The following DGKI variants were observed in gnomAD, a reference collection of about 807,000 sequenced individuals.
DGKI encodes diacylglycerol kinase iota, also known as DAG kinase iota.
DGKI carries 55 observed loss-of-function variants against 147.5 expected under a neutral mutation model. The ratio of observed to expected loss-of-function variants is 0.37; its 90% confidence interval spans 0.30 to 0.47. The LOEUF is 0.47. Ranked by LOEUF, DGKI falls within the 20% of genes least tolerant of loss-of-function variation. The probability of loss-of-function intolerance (pLI) is 1.00; values close to 1 mark genes in which losing one functional copy is unlikely to be tolerated. For missense variants in DGKI, 1,007 were observed against 1,323.8 expected, an observed-to-expected ratio of 0.76 and a Z score of 3.71; for synonymous variants, 469 against 477.1, an observed-to-expected ratio of 0.98 and a Z score of 0.22.
At chr7:137,646,917 C>G (rs1821845445) in intron 5 of DGKI, among the ~76,000 whole-genome samples, 1 of 152,072 alleles carries the variant, frequency 6.6e-6, no homozygotes, top group South Asian at 2.1e-4. Context: ...ACCTCTATTT[C>G]TCTTAATAAT....
intron 28 of DGKI, among the ~76,000 whole-genome samples, chr7:137,417,262 T>A (rs963795375): frequency 8.5e-5 from 13 of 152,216 alleles, no homozygotes; most frequent in African/African-American, 3.1e-4. Context: ...TTTAAGTATA[T>A]GAATATTAAG....
chr7:137,717,503 T>A (rs1794414942), intron 1 of DGKI, among the ~76,000 whole-genome samples: 1 of 152,214 alleles, frequency 6.6e-6, no homozygotes, highest in Admixed American at 6.5e-5. Flanking sequence ...ATGGAGCTTC[T>A]TGCAGGGCAT....
chr7:137,678,746 G>T, intron 2 of DGKI, 94 bp from the exon 3 acceptor site: 1 of 1,086,436 alleles, frequency 9.2e-7, no homozygotes, highest in Non-Finnish European at 1.4e-6. Flanking sequence ...GAAAGTTAGT[G>T]AAACCAAGGA....
At chr7:137,539,386 A>G (rs1356308180) in intron 20 of DGKI, among the ~76,000 whole-genome samples, 1 of 152,162 alleles carries the variant, frequency 6.6e-6, no homozygotes, top group African/African-American at 2.4e-5. Flanking sequence ...AGGAACTCAG[A>G]AAACAACTCC....
chr7:137,548,731 G>A lies in DGKI; in HGVS notation c.2147+3638C>T, dbSNP rs150507077. 3.4e-3 allele frequency among the ~76,000 whole-genome samples: 512 copies of A among 152,280 alleles called. 17 individuals are homozygous for A. The highest frequency in any genetic ancestry group is 0.03 in the Admixed American group (456 of 15,286). Reference sequence around the variant, plus strand: ...GCCTGTAATCCCAGCACTTTGGGAGGCTGAGGCGGGCAGATCACTTGAGCC... The same window carrying A: ...GCCTGTAATCCCAGCACTTTGGGAGACTGAGGCGGGCAGATCACTTGAGCC... On this transcript the variant is annotated intron_variant, in intron 20 of 32. Coordinates refer to ENST00000614521, the MANE Select transcript of DGKI (RefSeq NM_001321708.2).
intron 3 of DGKI, among the ~76,000 whole-genome samples, chr7:137,669,226 A>G (rs987522734): frequency 6.6e-6 from 1 of 152,174 alleles, no homozygotes; most frequent in Non-Finnish European, 1.5e-5. Context: ...TTAAAGCATC[A>G]CCTTCTGAAT....
rs935783481 is a variant in DGKI, at chr7:137,387,620, T to A, written c.*3600A>T. On this transcript the variant is annotated 3_prime_UTR_variant, in exon 33 of 33. Transcript: ENST00000614521. ...CATACTTGTGCATGAACGGATGGGG[T>A]ATTTCTGACATCACATACAAGCAAC... 5 of 152,096 alleles carry A rather than the reference T, an allele frequency of 3.3e-5. No individual in the cohort carries two copies. Among genetic ancestry groups the A allele is most frequent in the African/African-American group, 1.2e-4 (5 of 41,422 alleles). 9.4% of individuals were successfully genotyped at this position (152,096 alleles called of 1,614,324 possible).
At chr7:137,513,224 T>C (rs776569726) in intron 21 of DGKI, among the ~76,000 whole-genome samples, 1 of 152,178 alleles carries the variant, frequency 6.6e-6, no homozygotes, top group Non-Finnish European at 1.5e-5. Flanking sequence ...TATCTGTATC[T>C]GTACTCCCTC....
In DGKI at chr7:137,549,893, CATG is replaced by C. The variant is rs369061403; in HGVS notation, c.2147+2473_2147+2475del. 3.9e-5 allele frequency among the ~76,000 whole-genome samples: 6 copies of C among 152,282 alleles called. No homozygotes were observed. In the East Asian group the frequency reaches 1.2e-3, roughly 29 times the overall value. On this transcript the variant is annotated intron_variant, in intron 20 of 32. Transcript: ENST00000614521. ...ATTAAGGTTTAGTAAGCAAACATTA[CATG>C]ATGACTAGGTTTTTTTGCTTTCTTT...
intron 1 of DGKI, among the ~76,000 whole-genome samples, chr7:137,753,142 C>T (rs1795561945): frequency 6.6e-6 from 1 of 152,062 alleles, no homozygotes; most frequent in South Asian, 2.1e-4. Context: ...CCATGAGGTC[C>T]CTAAATAATA....
At chr7:137,641,527 A>C (rs921675827) in intron 6 of DGKI, among the ~76,000 whole-genome samples, 1 of 152,220 alleles carries the variant, frequency 6.6e-6, no homozygotes, top group African/African-American at 2.4e-5. Flanking sequence ...ATTATTTAAA[A>C]TATTGTATAA....
chr7:137,718,945 G>T (rs1245838339), intron 1 of DGKI, among the ~76,000 whole-genome samples: 2 of 152,098 alleles, frequency 1.3e-5, no homozygotes, highest in African/African-American at 2.4e-5. Context: ...TATACAAGGG[G>T]CACGGTCTTT....
intron 28 of DGKI, among the ~76,000 whole-genome samples, chr7:137,437,261 G>A (rs912537587): frequency 2.0e-5 from 3 of 152,266 alleles, no homozygotes; most frequent in Admixed American, 6.5e-5. Context: ...CCCACAAAAA[G>A]ACGCTTCAGA....
Position 137,698,053 on chromosome 7 carries a change from TAGATATCTATATATATCTCCAGAC to T in DGKI, c.402-8075_402-8052del. Among the ~76,000 whole-genome samples, 3 of 151,174 alleles carry T rather than the reference TAGATATCTATATATATCTCCAGAC, an allele frequency of 2.0e-5. No homozygotes were observed. In the South Asian group the frequency reaches 6.3e-4, roughly 32 times the overall value. On this transcript the variant is annotated intron_variant, in intron 1 of 32. Transcript: ENST00000614521. ...ACAGATAGATAGATACAGATATATA[TAGATATCTATATATATCTCCAGAC>T]AGATATCTATATAGAGAGATATATA...
At position 137,823,061 on chromosome 7, in the gene DGKI, C is replaced by CA. The variant is rs113953441; in HGVS notation, c.401+23400dup. Among the ~76,000 whole-genome samples, 282 of 133,458 alleles carry CA rather than the reference C, an allele frequency of 2.1e-3. 1 individual carries two copies. Among genetic ancestry groups the CA allele is most frequent in the East Asian group, 6.9e-3 (32 of 4,666 alleles). The allele number at this position is 133,458 out of a possible 152,430, so 87.6% of individuals were successfully genotyped here. On this transcript the variant is annotated intron_variant, in intron 1 of 32. Coordinates refer to ENST00000614521, the MANE Select transcript of DGKI (RefSeq NM_001321708.2). ...AGGAGGAAAATATTCTCCCCCAACC[C>CA]AAAAAAAAAAAATACCAGACAATTT...
rs1811088134 is a variant in DGKI, at chr7:137,382,698, A to C, written c.*8522T>G. On this transcript the variant is annotated 3_prime_UTR_variant, in exon 33 of 33. Coordinates refer to ENST00000614521, the MANE Select transcript of DGKI (RefSeq NM_001321708.2). ...GTCTTCTTATTGTACTACTTTTGAG[A>C]ATCTTTTTTCCTTTCCTCACAACTC... 6.6e-6 allele frequency: 1 copy of C among 152,024 alleles called. No homozygotes were observed. Among genetic ancestry groups the C allele is most frequent in the African/African-American group, 2.4e-5 (1 of 41,408 alleles). 9.4% of individuals were successfully genotyped at this position (152,024 alleles called of 1,614,324 possible).
intron 1 of DGKI, among the ~76,000 whole-genome samples, chr7:137,844,249 G>A (rs1324339955): frequency 6.6e-6 from 1 of 152,178 alleles, no homozygotes; most frequent in Admixed American, 6.5e-5. Flanking sequence ...ACAATTTCCT[G>A]TTACCCAGGC....
At chr7:137,701,333 C>T (rs1479377556) in intron 1 of DGKI, among the ~76,000 whole-genome samples, 1 of 151,532 alleles carries the variant, frequency 6.6e-6, no homozygotes, top group Non-Finnish European at 1.5e-5. Context: ...AATGGAAGTT[C>T]TAGCCAGTGT....
intron 6 of DGKI, among the ~76,000 whole-genome samples, chr7:137,641,667 C>CA (rs1563127697): frequency 6.6e-6 from 1 of 152,150 alleles, no homozygotes; most frequent in Admixed American, 6.5e-5. Flanking sequence ...AATCTAAATC[C>CA]AAAAAACTTC....
Sources: allele counts gnomAD v4.1 joint callset (sites outside exome capture counted in the v4.1 genomes callset), GRCh38; gene constraint gnomAD v4.1.1; transcripts MANE v1.5; gene names NCBI Gene and HGNC (gene_info 2026-07-23, HGNC 2026-07-21).